Variants in ITPR1 observed in about 807,000 individuals in gnomAD.
ITPR1 encodes inositol 1,4,5-trisphosphate receptor type 1, also known as inositol 1,4,5-trisphosphate-gated calcium channel ITPR1.
In ITPR1, 96 loss-of-function variants were observed where a neutral mutation model predicts 318.4. The ratio of observed to expected loss-of-function variants is 0.30; its 90% CI spans 0.26 to 0.36. The LOEUF (loss-of-function observed/expected upper bound fraction) is 0.36. Among genes scored for constraint, ITPR1 ranks in the 10% least tolerant of loss-of-function variants. The probability of loss-of-function intolerance (pLI) is 1.00; values close to 1 mark genes in which losing one functional copy is unlikely to be tolerated. For synonymous variants in ITPR1, 1,312 were observed against 1,289.9 expected (o/e 1.02, Z -0.37); for missense variants, 2,440 against 3,460.2 (o/e 0.71, Z 7.40).
chr3:4,774,385 A>C (rs1184536642), intron 46 of ITPR1, among the ~76,000 whole-genome samples: 1 of 152,236 alleles, frequency 6.6e-6, no homozygotes, highest in Non-Finnish European at 1.5e-5. Flanking sequence ...AGAAGTGGAA[A>C]TTACTGGGTC....
rs751547703 is a variant in ITPR1, at chr3:4,661,104, G to T, written c.1251+17G>T. ...ATGCTGAAAGTAAGTCCTGGGACTTGCCTGTCTCCTTTTGGTCTCGTGTTT... is the reference window on the plus strand; with the variant it reads ...ATGCTGAAAGTAAGTCCTGGGACTTTCCTGTCTCCTTTTGGTCTCGTGTTT... On this transcript the variant is annotated intron_variant, in intron 14 of 61. Transcript: ENST00000649015. 9.0e-6 allele frequency: 13 copies of T among 1,438,306 alleles called. No individual in the cohort carries two copies. Among genetic ancestry groups the T allele is most frequent in the Non-Finnish European group, 1.3e-5 (13 of 1,020,150 alleles). 89.1% of individuals were successfully genotyped at this position (1,438,306 alleles called of 1,614,324 possible). A position where few individuals can be genotyped will look rare whatever the true frequency, so the allele number is the denominator to read the frequency against.
In ITPR1 at chr3:4,503,925, C is replaced by T. The variant is rs1008676177; in HGVS notation, c.-17+9419C>T. On this transcript the variant is annotated intron_variant, in intron 2 of 61. Coordinates refer to ENST00000649015, the MANE Select transcript of ITPR1 (RefSeq NM_001378452.1). ...AACAAAATAAGCACCCTCCCCCTCT[C>T]GCCCCCTCCCAAAACCAAAAAACAC... 9.2e-5 allele frequency among the ~76,000 whole-genome samples: 14 copies of T among 152,188 alleles called. No homozygotes were observed. In the South Asian group the frequency reaches 1.5e-3, roughly 16 times the overall value.
chr3:4,665,039 T>C lies in ITPR1; in HGVS notation c.1555-99T>C, dbSNP rs1447764512. On this transcript the variant is annotated intron_variant, in intron 16 of 61. Transcript: ENST00000649015. Reference sequence around the variant, plus strand: ...GTGTTGGGATAGAGAAATTTTCTAATGTAATCCAGCCACCCTTGAGCTTGC... The same window carrying C: ...GTGTTGGGATAGAGAAATTTTCTAACGTAATCCAGCCACCCTTGAGCTTGC... The C allele has an allele frequency of 3.8e-6, 5 of 1,301,888 alleles. No homozygotes were observed. The African/African-American group carries it at 5.8e-5, about 15-fold the overall frequency. The allele number at this position is 1,301,888 out of a possible 1,614,324, so 80.6% of individuals were successfully genotyped here. A position where few individuals can be genotyped will look rare whatever the true frequency, so the allele number is the denominator to read the frequency against.
intron 34 of ITPR1, among the ~76,000 whole-genome samples, 182 bp downstream of exon 34, chr3:4,697,454 C>A (rs1322386258): frequency 1.4e-5 from 1 of 70,632 alleles, no homozygotes; most frequent in Non-Finnish European, 3.5e-5. Context: ...ATCCTTTCTT[C>A]CTTTTTTTTT....
chr3:4,679,544 G>C (rs951882992), intron 24 of ITPR1, among the ~76,000 whole-genome samples: 1 of 152,194 alleles, frequency 6.6e-6, no homozygotes, highest in Non-Finnish European at 1.5e-5. Flanking sequence ...TCCTCCACCT[G>C]TTTGCTCTAT....
At position 4,779,558 on chromosome 3, in the gene ITPR1, C is replaced by G. The variant is rs974085034; in HGVS notation, c.6300C>G (p.Ala2100=). The change falls in exon 49 of 62, where the codon GCC becomes GCG. Residue 2100 remains alanine (A), a synonymous_variant. Transcript: ENST00000649015. The surrounding 1 kb of genome is among the most constrained non-coding windows in gnomAD (Gnocchi z 4.0). ...TTTGTTTCTCCAACTAGAACAATGC[C>G]TCGAAGTTGCTCCTGGCCATCATGG... is the stretch of plus-strand genomic sequence containing the variant. ...MDLVLELKNN[A]SKLLLAIMES... 8.1e-6 allele frequency: 13 copies of G among 1,611,528 alleles called. No individual in the cohort carries two copies. Among genetic ancestry groups the G allele is most frequent in the Non-Finnish European group, 1.1e-5 (13 of 1,178,274 alleles).
chr3:4,568,116 T>G lies in ITPR1; in HGVS notation c.163+47022T>G, dbSNP rs111287369. ...AGAAGAGAAGGAGATTAAGAGTCTGTGATTTTTACATAGTTGGGCCCTGGA... is the reference window on the plus strand; with the variant it reads ...AGAAGAGAAGGAGATTAAGAGTCTGGGATTTTTACATAGTTGGGCCCTGGA... On this transcript the variant is annotated intron_variant, in intron 4 of 61. Transcript: ENST00000649015. Among the ~76,000 whole-genome samples the G allele has an allele frequency of 1.6e-3, 247 of 152,296 alleles. 1 individual carries two copies. Among genetic ancestry groups the G allele is most frequent in the African/African-American group, 5.6e-3 (232 of 41,566 alleles).
intron 5 of ITPR1, among the ~76,000 whole-genome samples, chr3:4,638,850 A>T (rs1354915113): frequency 6.6e-6 from 1 of 152,212 alleles, no homozygotes; most frequent in South Asian, 2.1e-4. Context: ...CATGTGTGCT[A>T]CAGTGTATCA....
intron 61 of ITPR1, 45 bp downstream of exon 61, chr3:4,836,980 C>G (rs539509649): frequency 2.8e-6 from 4 of 1,453,522 alleles, no homozygotes; most frequent in Non-Finnish European, 3.7e-6. Flanking sequence ...TCACTATCCC[C>G]ACCCACACCC....
At chr3:4,816,600 G>A (rs943211697) in intron 59 of ITPR1, among the ~76,000 whole-genome samples, 3 of 152,208 alleles carry the variant, frequency 2.0e-5, no homozygotes, top group Non-Finnish European at 4.4e-5. Flanking sequence ...TTGCTGAGAG[G>A]CTGGTCTTGA....
chr3:4,839,241 C>T (rs1038679792), intron 61 of ITPR1, among the ~76,000 whole-genome samples: 10 of 151,980 alleles, frequency 6.6e-5, no homozygotes, highest in African/African-American at 1.9e-4. Flanking sequence ...GCAGGAGAAT[C>T]GCTTGAACCC....
intron 5 of ITPR1, among the ~76,000 whole-genome samples, chr3:4,632,895 C>CCCT (rs887416332): frequency 5.4e-5 from 8 of 149,180 alleles, no homozygotes; most frequent in African/African-American, 2.0e-4. Flanking sequence ...CAGTTCTTTT[C>CCCT]CCTGATTTAA....
chr3:4,625,778 C>T lies in ITPR1; in HGVS notation c.164-1985C>T, dbSNP rs557414132. Among the ~76,000 whole-genome samples, 88 of 152,238 alleles carry T rather than the reference C, an allele frequency of 5.8e-4. 1 individual carries two copies. The highest frequency in any genetic ancestry group is 3.4e-3 in the Middle Eastern group (1 of 292). On this transcript the variant is annotated intron_variant, in intron 4 of 61. Coordinates refer to ENST00000649015, the MANE Select transcript of ITPR1 (RefSeq NM_001378452.1). ...TTCACCATGTTAGCCAGGATGGTCT[C>T]GATCTCCTGACCTCATGATCCACCT...
At chr3:4,763,454 C>T (rs1409515955) in intron 44 of ITPR1, among the ~76,000 whole-genome samples, 1 of 152,138 alleles carries the variant, frequency 6.6e-6, no homozygotes, top group Admixed American at 6.5e-5. Context: ...CCTTTTGATA[C>T]CAAGAGTAGT....
intron 4 of ITPR1, among the ~76,000 whole-genome samples, chr3:4,542,336 ATTGT>A (rs767588445): frequency 1.3e-5 from 2 of 152,104 alleles, no homozygotes; most frequent in Non-Finnish European, 2.9e-5. Flanking sequence ...ATCTGTGGGA[ATTGT>A]TTGAGGCCTG....
At position 4,662,254 on chromosome 3, in the gene ITPR1, C is replaced by T. The variant is rs762088566; in HGVS notation, c.1412+12C>T. ...CAGAATGAAAGGAGGTGAGCACTCCCGCATGCTCAGCACAGCCGCCCTCCC... is the reference window on the plus strand; with the variant it reads ...CAGAATGAAAGGAGGTGAGCACTCCTGCATGCTCAGCACAGCCGCCCTCCC... On this transcript the variant is annotated intron_variant, in intron 15 of 61. Coordinates refer to ENST00000649015, the MANE Select transcript of ITPR1 (RefSeq NM_001378452.1). 53 of 1,581,836 alleles carry T rather than the reference C, an allele frequency of 3.4e-5. No homozygotes were observed. Among genetic ancestry groups the T allele is most frequent in the African/African-American group, 4.0e-5 (3 of 74,136 alleles).
chr3:4,614,754 G>C (rs2092317679), intron 4 of ITPR1, among the ~76,000 whole-genome samples: 1 of 152,226 alleles, frequency 6.6e-6, no homozygotes, highest in African/African-American at 2.4e-5. Flanking sequence ...CAGACACAGA[G>C]AGCTTTCAGC....
intron 11 of ITPR1, among the ~76,000 whole-genome samples, chr3:4,652,860 C>T (rs550361047): frequency 4.6e-5 from 7 of 152,024 alleles, no homozygotes; most frequent in African/African-American, 7.2e-5. Flanking sequence ...TGGTGGTGCA[C>T]GCCTGTAGTC....
chr3:4,742,718 T>C (rs1282368438), intron 44 of ITPR1, among the ~76,000 whole-genome samples: 1 of 152,202 alleles, frequency 6.6e-6, no homozygotes, highest in Non-Finnish European at 1.5e-5. Flanking sequence ...CTCAGCCTCC[T>C]GAGTAGCTGG....
Sources: gnomAD v4.1 joint callset for allele counts (sites outside exome capture counted in the v4.1 genomes callset) on GRCh38, gnomAD v4.1.1 for gene constraint, Gnocchi (gnomAD v3.1) non-coding constraint, MANE v1.5 for transcripts, NCBI Gene and HGNC (gene_info 2026-07-23, HGNC 2026-07-21) for gene names.